ENPP6: variants seen among roughly 807,000 people sequenced by gnomAD.
The protein encoded by ENPP6 is ectonucleotide pyrophosphatase/phosphodiesterase 6.
Under a neutral mutation model 42.0 loss-of-function variants are expected in ENPP6, and 32 were observed. The ratio of observed to expected loss-of-function variants is 0.76; its 90% confidence interval spans 0.58 to 1.02. The LOEUF (loss-of-function observed/expected upper bound fraction) is 1.02, where lower values mean the gene tolerates loss of function less well. Ranked by LOEUF, ENPP6 falls within the 50% of genes least tolerant of loss-of-function variation. The probability of loss-of-function intolerance (pLI) is 0.00; values close to 1 mark genes in which losing one functional copy is unlikely to be tolerated. For missense variants in ENPP6, 552 were observed against 566.8 expected (o/e 0.97, Z 0.27); for synonymous variants, 213 against 216.0 (o/e 0.99, Z 0.12).
In ENPP6 at chr4:184,090,019, G is replaced by A. The variant is rs147664047; in HGVS notation, c.*1158C>T. On this transcript the variant is annotated 3_prime_UTR_variant, in exon 8 of 8. Coordinates refer to ENST00000296741, the MANE Select transcript of ENPP6 (RefSeq NM_153343.4). ...TGGCCAAACTGTTTCCTAATCAAAC[G>A]ACCAGTTAGTTGGTCAGTGACTGGG... 252 of 151,970 alleles carry A rather than the reference G, an allele frequency of 1.7e-3. 2 individuals are homozygous for A. The highest frequency in any genetic ancestry group is 5.8e-3 in the African/African-American group (240 of 41,440). 9.4% of individuals were successfully genotyped at this position (151,970 alleles called of 1,614,324 possible).
intron 2 of ENPP6, among the ~76,000 whole-genome samples, chr4:184,129,273 A>G (rs990778199): frequency 3.0e-4 from 21 of 69,350 alleles, no homozygotes; most frequent in African/African-American, 1.4e-3. Context: ...GACGTAGTAC[A>G]CAAACACCCC....
intron 1 of ENPP6, among the ~76,000 whole-genome samples, chr4:184,208,938 G>C (rs1385468803): frequency 7.0e-6 from 1 of 143,520 alleles, no homozygotes; most frequent in South Asian, 2.2e-4. Context: ...CCTGACCCCC[G>C]AGCAGCCTAA....
intron 1 of ENPP6, among the ~76,000 whole-genome samples, chr4:184,203,223 C>T (rs548292390): frequency 6.6e-6 from 1 of 152,290 alleles, no homozygotes; most frequent in East Asian, 1.9e-4. Flanking sequence ...TGCACTCCAG[C>T]CTGGATGATA....
chr4:184,114,768 CAA>C (rs11327945), intron 5 of ENPP6, among the ~76,000 whole-genome samples: 162 of 129,522 alleles, frequency 1.3e-3, no homozygotes, highest in African/African-American at 2.1e-3. Context: ...TCTTTCTTGC[CAA>C]AAAAAAAAAA....
At chr4:184,132,776 TATATACATATATACACAC>T (rs970625002) in intron 2 of ENPP6, among the ~76,000 whole-genome samples, 24 of 150,658 alleles carry the variant, frequency 1.6e-4, no homozygotes, top group African/African-American at 4.6e-4. Context: ...TAGATACACA[TATATACATATATACACAC>T]ATATATATAC....
chr4:184,174,542 A>G (rs1737529936), intron 1 of ENPP6, among the ~76,000 whole-genome samples: 1 of 90,362 alleles, frequency 1.1e-5, no homozygotes, highest in South Asian at 4.4e-4. Flanking sequence ...GAATGACCTC[A>G]TGGTATCCTC....
At chr4:184,095,050 C>A (rs930313898) in intron 7 of ENPP6, among the ~76,000 whole-genome samples, 5 of 152,208 alleles carry the variant, frequency 3.3e-5, no homozygotes, top group Non-Finnish European at 5.9e-5. Flanking sequence ...CTTAAATTTT[C>A]TTCTCAGTAA....
At chr4:184,211,457 C>A (rs2111125124) in intron 1 of ENPP6, among the ~76,000 whole-genome samples, 2 of 152,018 alleles carry the variant, frequency 1.3e-5, no homozygotes, top group East Asian at 3.9e-4. Context: ...ATACTACAAA[C>A]ACCTCTACGC....
At chr4:184,098,822 C>T (rs1011694731) in intron 6 of ENPP6, among the ~76,000 whole-genome samples, 13 of 152,200 alleles carry the variant, frequency 8.5e-5, no homozygotes, top group Admixed American at 2.0e-4. Context: ...TCGCCAAGGA[C>T]GAACGGCCCA....
chr4:184,208,357 A>G (rs1388842819), intron 1 of ENPP6, among the ~76,000 whole-genome samples: 2 of 152,134 alleles, frequency 1.3e-5, no homozygotes, highest in Non-Finnish European at 2.9e-5. Flanking sequence ...AGTGCCAGAC[A>G]GTGGGCGCAG....
intron 3 of ENPP6, among the ~76,000 whole-genome samples, chr4:184,119,858 G>A (rs1044685535): frequency 6.6e-6 from 1 of 152,146 alleles, no homozygotes; most frequent in Non-Finnish European, 1.5e-5. Flanking sequence ...TGTGAAGAAG[G>A]ACACGTCTGC....
chr4:184,193,990 A>G (rs1732748303), intron 1 of ENPP6, among the ~76,000 whole-genome samples: 1 of 152,034 alleles, frequency 6.6e-6, no homozygotes, highest in Admixed American at 6.6e-5. Flanking sequence ...TCCTAATGCT[A>G]TTTTTGGCCT....
At chr4:184,176,074 G>T (rs1737557917) in intron 1 of ENPP6, among the ~76,000 whole-genome samples, 1 of 152,096 alleles carries the variant, frequency 6.6e-6, no homozygotes, top group South Asian at 2.1e-4. Context: ...ACAGGTGTGA[G>T]CTACCATGCC....
chr4:184,175,844 C>T (rs965562058), intron 1 of ENPP6, among the ~76,000 whole-genome samples: 1 of 152,194 alleles, frequency 6.6e-6, no homozygotes, highest in Non-Finnish European at 1.5e-5. Context: ...AACGTCTTGG[C>T]CTGCTAGGTG....
intron 5 of ENPP6, 147 bp downstream of exon 5, chr4:184,116,709 G>C: frequency 2.7e-6 from 3 of 1,100,934 alleles, no homozygotes; most frequent in Non-Finnish European, 2.6e-6. Flanking sequence ...CTCCAGCCTG[G>C]GCAATAAAAG....
intron 1 of ENPP6, among the ~76,000 whole-genome samples, chr4:184,190,463 A>G (rs1732699065): frequency 6.6e-6 from 1 of 152,206 alleles, no homozygotes; most frequent in African/African-American, 2.4e-5. Flanking sequence ...TGGATGTTTC[A>G]TCTGCTCTAA....
At chr4:184,145,216 C>T (rs529330228) in intron 2 of ENPP6, among the ~76,000 whole-genome samples, 16 of 152,348 alleles carry the variant, frequency 1.1e-4, no homozygotes, top group South Asian at 1.0e-3. Context: ...GCCTAGGGAA[C>T]GTCAGTCCTT....
intron 1 of ENPP6, among the ~76,000 whole-genome samples, chr4:184,208,568 G>A (rs1162510970): frequency 1.9e-4 from 29 of 151,924 alleles, no homozygotes; most frequent in African/African-American, 3.9e-4. Context: ...ATTATAACCC[G>A]CACCTGGCTG....
chr4:184,153,664 T>G lies in ENPP6; in HGVS notation c.311A>C (p.Asp104Ala). Residue 104 changes from aspartate to alanine, a missense_variant, in exon 2 of 8, where the codon GAC becomes GCC. Around this residue, in one of 2 missense-constraint regions of ENPP6, gnomAD observed 545 missense variants for 546.3 expected, o/e 1.00. Coordinates refer to ENST00000296741, the MANE Select transcript of ENPP6 (RefSeq NM_153343.4). Reference sequence around the variant, plus strand: ...TAGGCTGTCTTTGTTGACGCCAATGTCAAAGGACTTGTTGGTGGTGGGGTC... The same window carrying G: ...TAGGCTGTCTTTGTTGACGCCAATGGCAAAGGACTTGTTGGTGGTGGGGTC... ...MWDPTTNKSF[D>A]IGVNKDSLMP... is the part of the protein sequence containing the mutation. The G allele has an allele frequency of 6.2e-7, 1 of 1,614,210 alleles. No homozygotes were observed.
Sources: gnomAD v4.1 joint callset for allele counts (sites outside exome capture counted in the v4.1 genomes callset) on GRCh38, gnomAD v4.1.1 for gene constraint, gnomAD v4.1.1 regional missense constraint, MANE v1.5 for transcripts, NCBI Gene and HGNC (gene_info 2026-07-23, HGNC 2026-07-21) for gene names.